Variants in DOK6 observed in about 807,000 individuals in gnomAD.
The protein encoded by DOK6 is downstream of tyrosine kinase 6.
Under a neutral mutation model 44.0 loss-of-function variants are expected in DOK6, and 22 were observed. The ratio of observed to expected loss-of-function variants is 0.50; its 90% CI spans 0.36 to 0.71. DOK6 has a LOEUF of 0.71. Ranked by LOEUF, DOK6 falls within the 30% of genes least tolerant of loss-of-function variation. The pLI is 0.00. For missense variants in DOK6, 340 were observed against 416.4 expected (o/e 0.82, Z 1.60); for synonymous variants, 166 against 145.5 (o/e 1.14, Z -1.01).
chr18:69,608,968 T>TC (rs1984070323), intron 3 of DOK6, among the ~76,000 whole-genome samples: 2 of 135,672 alleles, frequency 1.5e-5, no homozygotes, highest in Non-Finnish European at 3.2e-5. Flanking sequence ...AAAAAAACTT[T>TC]CACTTAACTT....
At chr18:69,412,937 G>A (rs981655718) in intron 1 of DOK6, among the ~76,000 whole-genome samples, 1 of 152,056 alleles carries the variant, frequency 6.6e-6, no homozygotes, top group Admixed American at 6.6e-5. Context: ...TCTTCACAGG[G>A]GAGGAGAGAC....
At chr18:69,511,696 C>A (rs536587852) in intron 1 of DOK6, among the ~76,000 whole-genome samples, 24 of 152,264 alleles carry the variant, frequency 1.6e-4, no homozygotes, top group Non-Finnish European at 2.9e-4. Context: ...CCAATCTCAT[C>A]CCATCTGTAA....
chr18:69,516,942 A>G (rs559680814), intron 1 of DOK6, among the ~76,000 whole-genome samples: 7 of 151,942 alleles, frequency 4.6e-5, no homozygotes, highest in Admixed American at 4.6e-4. Context: ...TTGGCCTCAC[A>G]AAGTGCTGGG....
chr18:69,511,156 A>G (rs17773028), intron 1 of DOK6, among the ~76,000 whole-genome samples: 6,542 of 152,224 alleles, frequency 0.043, 209 homozygotes, highest in Admixed American at 0.095. Flanking sequence ...GCACTCTATT[A>G]TTACAGCATT....
intron 7 of DOK6, among the ~76,000 whole-genome samples, chr18:69,785,119 T>C (rs1280572662): frequency 6.6e-6 from 1 of 152,190 alleles, no homozygotes; most frequent in African/African-American, 2.4e-5. Context: ...ATTCAGCAAA[T>C]GCTTCCATTT....
chr18:69,790,182 C>T (rs1047383221), intron 7 of DOK6, among the ~76,000 whole-genome samples: 11 of 149,942 alleles, frequency 7.3e-5, no homozygotes, highest in Admixed American at 5.4e-4. Flanking sequence ...TGCTGTGTTT[C>T]ACCACGTTTC....
intron 1 of DOK6, among the ~76,000 whole-genome samples, chr18:69,441,819 A>G (rs1292861393): frequency 6.6e-6 from 1 of 152,206 alleles, no homozygotes; most frequent in Non-Finnish European, 1.5e-5. Context: ...TGGTACAGGT[A>G]GAACACCGGT....
chr18:69,817,178 A>C (rs1981424400), intron 7 of DOK6, among the ~76,000 whole-genome samples: 1 of 152,132 alleles, frequency 6.6e-6, no homozygotes, highest in Non-Finnish European at 1.5e-5. Flanking sequence ...ATTTTTATAC[A>C]ACTATGGCAG....
Position 69,697,649 on chromosome 18 carries a change from A to T in DOK6, c.410-755A>T, listed in dbSNP as rs538940860. Among the ~76,000 whole-genome samples the T allele has an allele frequency of 3.8e-4, 58 of 152,288 alleles. No individual in the cohort carries two copies. In the South Asian group the frequency reaches 6.0e-3, roughly 16 times the overall value. Reference sequence around the variant, plus strand: ...TCAAAAAAAAAAATCTATTTAATGCATCTAAATGGGAATCAAAGGCAGCAT... The same window carrying T: ...TCAAAAAAAAAAATCTATTTAATGCTTCTAAATGGGAATCAAAGGCAGCAT... On this transcript the variant is annotated intron_variant, in intron 4 of 7. Coordinates refer to ENST00000382713, the MANE Select transcript of DOK6 (RefSeq NM_152721.6).
intron 5 of DOK6, among the ~76,000 whole-genome samples, chr18:69,700,975 T>G (rs1307924787): frequency 4.6e-5 from 7 of 152,264 alleles, no homozygotes; most frequent in Non-Finnish European, 4.4e-5. Context: ...TTTATACTAC[T>G]ATATGCACTA....
chr18:69,780,752 A>G (rs544489049), intron 7 of DOK6, among the ~76,000 whole-genome samples: 75 of 152,366 alleles, frequency 4.9e-4, no homozygotes, highest in African/African-American at 1.6e-3. Context: ...TCATTATTCA[A>G]TTGAAACCTT....
At chr18:69,624,200 G>A (rs1984505000) in intron 3 of DOK6, among the ~76,000 whole-genome samples, 1 of 152,076 alleles carries the variant, frequency 6.6e-6, no homozygotes, top group Admixed American at 6.6e-5. Flanking sequence ...CATCCATAAA[G>A]AGATTAGTTT....
chr18:69,480,886 T>C (rs1294602139), intron 1 of DOK6, among the ~76,000 whole-genome samples: 1 of 152,144 alleles, frequency 6.6e-6, no homozygotes, highest in Non-Finnish European at 1.5e-5. Flanking sequence ...GAACTGTACA[T>C]GAGAAAGGCT....
At chr18:69,564,877 C>T (rs1982931607) in intron 2 of DOK6, among the ~76,000 whole-genome samples, 1 of 152,142 alleles carries the variant, frequency 6.6e-6, no homozygotes, top group East Asian at 1.9e-4. Context: ...TAGGTATTTT[C>T]TCTCTATTGA....
chr18:69,602,018 T>C (rs750277620), intron 3 of DOK6, among the ~76,000 whole-genome samples: 3 of 152,192 alleles, frequency 2.0e-5, no homozygotes, highest in Non-Finnish European at 2.9e-5. Flanking sequence ...GATGAATAAA[T>C]ACATAGGAGA....
At chr18:69,496,760 T>C (rs756903784) in intron 1 of DOK6, among the ~76,000 whole-genome samples, 7 of 152,200 alleles carry the variant, frequency 4.6e-5, no homozygotes, top group African/African-American at 7.2e-5. Flanking sequence ...TCATATCACA[T>C]TGTAGTTACT....
At chr18:69,586,415 G>A (rs1449354189) in intron 2 of DOK6, among the ~76,000 whole-genome samples, 1 of 152,110 alleles carries the variant, frequency 6.6e-6, no homozygotes, top group African/African-American at 2.4e-5. Context: ...TTGACAGCAG[G>A]CCCTCTGCCG....
In DOK6 at chr18:69,677,442, C is replaced by G. The variant is rs374286342; in HGVS notation, c.290-292C>G. 1.7e-4 allele frequency among the ~76,000 whole-genome samples: 25 copies of G among 151,224 alleles called. No individual in the cohort carries two copies. The East Asian group carries it at 4.5e-3, about 27-fold the overall frequency. On this transcript the variant is annotated intron_variant, in intron 3 of 7. Coordinates refer to ENST00000382713, the MANE Select transcript of DOK6 (RefSeq NM_152721.6). ...TATTATTTTAAGTAAATTTTCCTCCCCAAGTAAAATCAATCTAAACTATGC... is the reference window on the plus strand; with the variant it reads ...TATTATTTTAAGTAAATTTTCCTCCGCAAGTAAAATCAATCTAAACTATGC...
At chr18:69,811,817 G>A (rs1981247800) in intron 7 of DOK6, among the ~76,000 whole-genome samples, 1 of 151,802 alleles carries the variant, frequency 6.6e-6, no homozygotes, top group African/African-American at 2.4e-5. Context: ...GGACAGCAAA[G>A]TCAGAAGGAA....
Sources: allele counts gnomAD v4.1 joint callset (sites outside exome capture counted in the v4.1 genomes callset), GRCh38; gene constraint gnomAD v4.1.1; transcripts MANE v1.5; gene names NCBI Gene and HGNC (gene_info 2026-07-23, HGNC 2026-07-21).